GLRA2: variants seen among roughly 807,000 people sequenced by gnomAD.
GLRA2 encodes the protein glycine receptor subunit alpha-2.
Under a neutral mutation model 31.6 loss-of-function variants are expected in GLRA2, and 11 were observed. The ratio of observed to expected loss-of-function variants is 0.35; its 90% confidence interval spans 0.22 to 0.58. The LOEUF is 0.58. GLRA2 is among the 20% of genes least tolerant of loss of function. GLRA2 has a pLI of 0.84. For synonymous variants in GLRA2, 132 were observed against 134.0 expected, an observed-to-expected ratio of 0.99 and a Z score of 0.10; for missense variants, 212 against 351.8, an observed-to-expected ratio of 0.60 and a Z score of 3.18.
the GLRA2 span, among the ~76,000 whole-genome samples, chrX:14,492,957 T>G: frequency 9.0e-6 from 1 of 111,195 alleles, no homozygotes; most frequent in Non-Finnish European, 1.9e-5. Flanking sequence ...TGTGTCCTCA[T>G]ATGGTGGAAG....
chrX:14,701,777 C>T (rs1360209829), intron 8 of GLRA2, among the ~76,000 whole-genome samples: 10 of 112,359 alleles, frequency 8.9e-5, no homozygotes, highest in Non-Finnish European at 1.9e-5. Flanking sequence ...AGTTGAAGTT[C>T]TAGTTTTGCA....
At chrX:14,586,899 A>AT (rs901769818) in intron 4 of GLRA2, among the ~76,000 whole-genome samples, 7 of 111,732 alleles carry the variant, frequency 6.3e-5, no homozygotes, top group African/African-American at 9.7e-5. Context: ...TTATAGAAGG[A>AT]TTTTTTTTAA....
At chrX:14,661,048 G>A (rs943865514) in intron 7 of GLRA2, among the ~76,000 whole-genome samples, 1 of 112,011 alleles carries the variant, frequency 8.9e-6, no homozygotes, top group African/African-American at 3.2e-5. Flanking sequence ...CCTTAACATG[G>A]TGCCAGAAAC....
At chrX:14,648,871 T>C (rs1306817190) in intron 7 of GLRA2, among the ~76,000 whole-genome samples, 2 of 112,198 alleles carry the variant, frequency 1.8e-5, no homozygotes, top group Admixed American at 1.9e-4. Flanking sequence ...CCTCATGCAC[T>C]TCTGGTGGAA....
intron 7 of GLRA2, among the ~76,000 whole-genome samples, chrX:14,613,463 TA>T (rs1181798580): frequency 9.0e-6 from 1 of 110,816 alleles, no homozygotes; most frequent in African/African-American, 3.3e-5. Context: ...AAAATATTTT[TA>T]AAAAACAAAG....
chrX:14,515,610 C>T, the GLRA2 span, among the ~76,000 whole-genome samples: 143 of 111,756 alleles, frequency 1.3e-3, no homozygotes, highest in Non-Finnish European at 2.4e-3. Context: ...TCTTCCAAGT[C>T]AATACTTATA....
chrX:14,472,098 C>T, the GLRA2 span, among the ~76,000 whole-genome samples: 2 of 112,104 alleles, frequency 1.8e-5, no homozygotes, highest in Middle Eastern at 4.2e-3. Context: ...CCTCACCTAA[C>T]GTAAATTTTT....
chrX:14,499,052 G>T, the GLRA2 span, among the ~76,000 whole-genome samples: 4 of 112,146 alleles, frequency 3.6e-5, no homozygotes, highest in African/African-American at 1.3e-4. Flanking sequence ...TGGCTATTAT[G>T]AATAATGCTG....
At chrX:14,649,171 G>A (rs1447222508) in intron 7 of GLRA2, among the ~76,000 whole-genome samples, 10 of 109,334 alleles carry the variant, frequency 9.1e-5, no homozygotes, top group African/African-American at 3.3e-4. Context: ...CCGAGATCGC[G>A]CCACTGCACT....
the GLRA2 span, among the ~76,000 whole-genome samples, chrX:14,464,284 A>C: frequency 1.8e-5 from 2 of 111,772 alleles, no homozygotes; most frequent in East Asian, 5.6e-4. Flanking sequence ...CATCTCTTCT[A>C]TGTTTTTCAC....
upstream of GLRA2, among the ~76,000 whole-genome samples, chrX:14,527,476 A>G (rs1214603315): frequency 1.8e-5 from 2 of 110,538 alleles, no homozygotes; most frequent in East Asian, 5.7e-4. Flanking sequence ...TTAGCTGGGT[A>G]TGGTGGCATG....
intron 7 of GLRA2, among the ~76,000 whole-genome samples, chrX:14,681,911 A>AAAAAAAAAAATATATATATATATATATG (rs2091212386): frequency 1.8e-5 from 1 of 56,820 alleles, no homozygotes; most frequent in African/African-American, 8.8e-5. Flanking sequence ...AAAAAAAAAA[A>AAAAAAAAAAATATATATATATATATATG]TATATATATA....
chrX:14,604,527 T>C, intron 5 of GLRA2, 130 bp downstream of exon 5: 2 of 348,258 alleles, frequency 5.7e-6, no homozygotes, highest in Admixed American at 8.1e-5. Context: ...AACATCCTAA[T>C]GGAAAGACAA....
intron 7 of GLRA2, among the ~76,000 whole-genome samples, chrX:14,613,144 T>C (rs1047937770): frequency 9.0e-6 from 1 of 111,680 alleles, no homozygotes; most frequent in African/African-American, 3.3e-5. Context: ...GCAGTACTTA[T>C]ATAAATTGTT....
chrX:14,545,222 T>C (rs974909205), intron 2 of GLRA2, among the ~76,000 whole-genome samples: 1 of 111,702 alleles, frequency 9.0e-6, no homozygotes, highest in Non-Finnish European at 1.9e-5. Flanking sequence ...ATTTATTTCT[T>C]ACAGTTCTGG....
At chrX:14,494,656 A>G in the GLRA2 span, among the ~76,000 whole-genome samples, 1 of 111,446 alleles carries the variant, frequency 9.0e-6, no homozygotes, top group Non-Finnish European at 1.9e-5. Flanking sequence ...TCACTGGAAA[A>G]CTGGGAAAGT....
chrX:14,677,534 TGGAATTTGGTCTACTCCTTGAAG>T (rs1308116543), intron 7 of GLRA2, among the ~76,000 whole-genome samples: 1 of 112,263 alleles, frequency 8.9e-6, no homozygotes, highest in Non-Finnish European at 1.9e-5. Flanking sequence ...ACCTTGGGGA[TGGAATTTGGTCTACTCCTTGAAG>T]AATTATCTGG....
At chrX:14,568,076 A>G (rs184662110) in intron 2 of GLRA2, among the ~76,000 whole-genome samples, 219 of 111,860 alleles carry the variant, frequency 2.0e-3, no homozygotes, top group African/African-American at 6.9e-3. Flanking sequence ...GATTCAATGC[A>G]ATCCCTATCA....
upstream of GLRA2, among the ~76,000 whole-genome samples, chrX:14,525,797 G>A (rs915027438): frequency 8.9e-6 from 1 of 111,862 alleles, no homozygotes; most frequent in African/African-American, 3.2e-5. Context: ...CTAACAAGTA[G>A]TTTTTTGAAA....
Sources: gnomAD v4.1 joint callset for allele counts (sites outside exome capture counted in the v4.1 genomes callset) on GRCh38, gnomAD v4.1.1 for gene constraint, MANE v1.5 for transcripts, NCBI Gene and HGNC (gene_info 2026-07-23, HGNC 2026-07-21) for gene names.